The following PRICKLE2 variants were observed in gnomAD, a reference collection of about 807,000 sequenced individuals.
The protein encoded by PRICKLE2 is prickle planar cell polarity protein 2.
Under a neutral mutation model 81.4 loss-of-function variants are expected in PRICKLE2, and 21 were observed. The observed-to-expected ratio is 0.26, with a 90% CI of 0.18 to 0.37. PRICKLE2 has a LOEUF of 0.37. Ranked by LOEUF, PRICKLE2 falls within the 10% of genes least tolerant of loss-of-function variation. The probability of loss-of-function intolerance (pLI) is 1.00; values close to 1 mark genes in which losing one functional copy is unlikely to be tolerated. For synonymous variants in PRICKLE2, 456 were observed against 421.5 expected (o/e 1.08, Z -1.00); for missense variants, 940 against 1,109.0 (o/e 0.85, Z 2.16).
intron 1 of PRICKLE2, among the ~76,000 whole-genome samples, chr3:64,210,393 T>G (rs1212394902): frequency 6.6e-6 from 1 of 152,048 alleles, no homozygotes; most frequent in East Asian, 1.9e-4. Flanking sequence ...TCTATCTCTG[T>G]GAGAAAGGAA....
At chr3:64,131,774 C>T (rs1410260906) in intron 7 of PRICKLE2, among the ~76,000 whole-genome samples, 1 of 152,208 alleles carries the variant, frequency 6.6e-6, no homozygotes, top group African/African-American at 2.4e-5. Context: ...TCTCAATGCA[C>T]ATGGTATTCC....
intron 2 of PRICKLE2, among the ~76,000 whole-genome samples, chr3:64,231,701 T>C (rs576198075): frequency 1.3e-5 from 2 of 152,280 alleles, no homozygotes; most frequent in Admixed American, 1.3e-4. Context: ...TAAAATATTG[T>C]TTTTCTAAAG....
intron 7 of PRICKLE2, among the ~76,000 whole-genome samples, chr3:64,138,333 G>A (rs1225613729): frequency 6.6e-6 from 1 of 152,236 alleles, no homozygotes; most frequent in Non-Finnish European, 1.5e-5. Context: ...ACAGTGGTTA[G>A]TTTAAGAATT....
At chr3:64,202,645 C>CGCGTGT (rs2078606272) in intron 1 of PRICKLE2, among the ~76,000 whole-genome samples, 2 of 149,326 alleles carry the variant, frequency 1.3e-5, no homozygotes, top group African/African-American at 2.5e-5. Flanking sequence ...TACTTGTGTG[C>CGCGTGT]GTGTGTGTGT....
At chr3:64,255,772 T>G (rs916997237) in intron 2 of PRICKLE2, among the ~76,000 whole-genome samples, 8 of 152,198 alleles carry the variant, frequency 5.3e-5, no homozygotes, top group Non-Finnish European at 4.4e-5. Flanking sequence ...TCAGCCTCTT[T>G]TGCAAAGACG....
chr3:64,239,580 G>A (rs1342765939), intron 2 of PRICKLE2, among the ~76,000 whole-genome samples: 2 of 152,082 alleles, frequency 1.3e-5, no homozygotes, highest in Non-Finnish European at 2.9e-5. Context: ...TTGCTATCAG[G>A]CACTCCCAGC....
chr3:64,172,862 T>A (rs935869762), intron 2 of PRICKLE2, among the ~76,000 whole-genome samples: 1 of 152,306 alleles, frequency 6.6e-6, no homozygotes, highest in East Asian at 1.9e-4. Flanking sequence ...ACCAGGAGCA[T>A]GCACAGAGAA....
At chr3:64,166,345 A>C (rs2077832756) in intron 2 of PRICKLE2, among the ~76,000 whole-genome samples, 1 of 152,180 alleles carries the variant, frequency 6.6e-6, no homozygotes, top group South Asian at 2.1e-4. Flanking sequence ...AGAGACATTC[A>C]GTACTTTGAA....
intron 2 of PRICKLE2, among the ~76,000 whole-genome samples, chr3:64,255,022 T>C (rs1411030350): frequency 1.3e-5 from 2 of 152,208 alleles, no homozygotes; most frequent in African/African-American, 2.4e-5. Context: ...GATATATACA[T>C]GCCCATATGT....
At chr3:64,229,433 T>C (rs1436471118), upstream of PRICKLE2, among the ~76,000 whole-genome samples, 2 of 152,120 alleles carry the variant, frequency 1.3e-5, no homozygotes, top group Non-Finnish European at 2.9e-5. Context: ...AATCTCTGTT[T>C]CTACAGGTAT....
intron 1 of PRICKLE2, among the ~76,000 whole-genome samples, chr3:64,208,411 G>A (rs1432045264): frequency 1.3e-5 from 2 of 152,122 alleles, no homozygotes; most frequent in Non-Finnish European, 2.9e-5. Flanking sequence ...TACATCCCTC[G>A]CAAAAGGGGT....
At chr3:64,132,782 A>G (rs1004155053) in intron 7 of PRICKLE2, among the ~76,000 whole-genome samples, 9 of 152,280 alleles carry the variant, frequency 5.9e-5, no homozygotes, top group Admixed American at 1.3e-4. Flanking sequence ...CCCCTCTTAA[A>G]TTGCTACTCT....
intron 2 of PRICKLE2, among the ~76,000 whole-genome samples, chr3:64,251,283 A>G (rs1451131956): frequency 3.9e-5 from 6 of 152,292 alleles, no homozygotes; most frequent in South Asian, 2.1e-4. Context: ...GCTCCACGCA[A>G]ACACAAAAGG....
At chr3:64,176,731 T>C (rs17721463) in intron 2 of PRICKLE2, among the ~76,000 whole-genome samples, 35,259 of 152,212 alleles carry the variant, frequency 0.23, 4,387 homozygotes, top group African/African-American at 0.27. Flanking sequence ...CCAGAAAATA[T>C]GAAAATGAAG....
At chr3:64,186,291 T>C (rs1464761884) in intron 2 of PRICKLE2, among the ~76,000 whole-genome samples, 3 of 152,232 alleles carry the variant, frequency 2.0e-5, no homozygotes, top group African/African-American at 7.2e-5. Flanking sequence ...TTCACAACTA[T>C]GCTGTAGTTA....
chr3:64,210,182 C>A (rs2078762377), intron 1 of PRICKLE2, among the ~76,000 whole-genome samples: 2 of 152,098 alleles, frequency 1.3e-5, no homozygotes, highest in African/African-American at 4.8e-5. Context: ...TCCTCCCTAA[C>A]CCGTTTCTCC....
intron 7 of PRICKLE2, among the ~76,000 whole-genome samples, chr3:64,135,350 G>A (rs1307196556): frequency 6.6e-6 from 1 of 152,136 alleles, no homozygotes; most frequent in African/African-American, 2.4e-5. Context: ...TGAATAATCT[G>A]CAAAGTAGAA....
chr3:64,180,693 C>T (rs1173751973), intron 2 of PRICKLE2, among the ~76,000 whole-genome samples: 17 of 152,030 alleles, frequency 1.1e-4, no homozygotes, highest in African/African-American at 2.9e-4. Flanking sequence ...CCACCACATC[C>T]GGCTAATTTT....
chr3:64,106,195 T>C (rs2076752782), intron 7 of PRICKLE2: 1 of 152,214 alleles, frequency 6.6e-6, no homozygotes, highest in African/African-American at 2.4e-5. Flanking sequence ...TTTAGCTCCC[T>C]TTCAGTAGGG....
Sources: allele counts gnomAD v4.1 joint callset (sites outside exome capture counted in the v4.1 genomes callset), GRCh38; gene constraint gnomAD v4.1.1; transcripts MANE v1.5; gene names NCBI Gene and HGNC (gene_info 2026-07-23, HGNC 2026-07-21).